MAGEC3: variants seen among roughly 807,000 people sequenced by gnomAD.
MAGEC3 encodes melanoma-associated antigen C3.
In MAGEC3, 34 loss-of-function variants were observed where a neutral mutation model predicts 35.3. The observed-to-expected ratio is 0.96, with a 90% CI of 0.73 to 1.28. The LOEUF (loss-of-function observed/expected upper bound fraction) is 1.28, where lower values mean the gene tolerates loss of function less well. Ranked by LOEUF, MAGEC3 falls within the 50% of genes most tolerant of loss-of-function variation. MAGEC3 has a pLI of 0.00. For synonymous variants in MAGEC3, 202 were observed against 185.6 expected, an observed-to-expected ratio of 1.09 and a Z score of -0.72; for missense variants, 561 against 483.6, an observed-to-expected ratio of 1.16 and a Z score of -1.50.
intron 2 of MAGEC3, among the ~76,000 whole-genome samples, chrX:141,866,436 AAGT>A (rs1351133984): frequency 1.8e-5 from 2 of 112,396 alleles, no homozygotes; most frequent in Non-Finnish European, 3.7e-5. Flanking sequence ...AATTGTCAAA[AAGT>A]AGAAAAACAA....
intron 1 of MAGEC3, among the ~76,000 whole-genome samples, chrX:141,857,781 AC>A (rs2017790614): frequency 1.8e-5 from 2 of 110,588 alleles, no homozygotes; most frequent in African/African-American, 3.3e-5. Context: ...TATTTTCCTC[AC>A]CTTGGTTTTT....
At chrX:141,854,338 A>G (rs2017768118) in intron 1 of MAGEC3, among the ~76,000 whole-genome samples, 1 of 111,203 alleles carries the variant, frequency 9.0e-6, no homozygotes, top group Admixed American at 9.5e-5. Flanking sequence ...CCTGTGAGGT[A>G]GTGATTTCAA....
At chrX:141,853,317 A>G (rs1643795407) in intron 1 of MAGEC3, among the ~76,000 whole-genome samples, 1 of 111,509 alleles carries the variant, frequency 9.0e-6, no homozygotes, top group African/African-American at 3.3e-5. Flanking sequence ...GATTAAAATT[A>G]TGTATTCCCT....
chrX:141,893,731 A>G (rs2018061921), intron 4 of MAGEC3, among the ~76,000 whole-genome samples: 1 of 103,147 alleles, frequency 9.7e-6, no homozygotes, highest in Admixed American at 1.1e-4. Context: ...GGGGGCGTAG[A>G]TATGTGAGAA....
In MAGEC3 at chrX:141,861,868, T is replaced by C. The variant is rs2017817354; in HGVS notation, c.124-3603T>C. On this transcript the variant is annotated intron_variant, in intron 1 of 7. Coordinates refer to ENST00000298296, the MANE Select transcript of MAGEC3 (RefSeq NM_138702.1). Reference sequence around the variant, plus strand: ...TAAGGAAAGCTCTTCAGAACATTGGTCCAGGCAAAGATTGTATGGCTAAGA... The same window carrying C: ...TAAGGAAAGCTCTTCAGAACATTGGCCCAGGCAAAGATTGTATGGCTAAGA... Among the ~76,000 whole-genome samples the C allele has an allele frequency of 3.6e-5, 4 of 111,877 alleles. No individual in the cohort carries two copies. The South Asian group carries it at 1.5e-3, about 42-fold the overall frequency.
intron 1 of MAGEC3, among the ~76,000 whole-genome samples, chrX:141,855,518 T>C (rs1208517233): frequency 9.4e-6 from 1 of 106,784 alleles, no homozygotes; most frequent in African/African-American, 3.3e-5. Context: ...ATATATGATA[T>C]AACATGTGTA....
intron 1 of MAGEC3, among the ~76,000 whole-genome samples, chrX:141,863,391 G>C (rs1036241831): frequency 9.0e-6 from 1 of 111,428 alleles, no homozygotes; most frequent in Admixed American, 9.6e-5. Context: ...GATACTGTAA[G>C]AGTGGATACA....
chrX:141,895,605 G>T lies in MAGEC3; in HGVS notation c.1123+46G>T, dbSNP rs558948779. 2.4e-4 allele frequency: 274 copies of T among 1,120,699 alleles called. 2 individuals are homozygous for T. In the South Asian group the frequency reaches 5.6e-3, roughly 23 times the overall value. The allele number at this position is 1,120,699 out of a possible 1,213,427, so 92.4% of individuals were successfully genotyped here. ...AAATAGGAAGACATTGAGGAGGACT[G>T]GGGGAACCCCCACCTCAGAGGACAG... On this transcript the variant is annotated intron_variant, in intron 6 of 7. Coordinates refer to ENST00000298296, the MANE Select transcript of MAGEC3 (RefSeq NM_138702.1).
chrX:141,844,533 A>T (rs932838582), intron 1 of MAGEC3, among the ~76,000 whole-genome samples: 1 of 110,965 alleles, frequency 9.0e-6, no homozygotes, highest in Non-Finnish European at 1.9e-5. Flanking sequence ...TTGAAGTTTA[A>T]TGTCTTCAAA....
At chrX:141,862,692 A>T (rs939011895) in intron 1 of MAGEC3, among the ~76,000 whole-genome samples, 3 of 112,477 alleles carry the variant, frequency 2.7e-5, no homozygotes, top group African/African-American at 9.7e-5. Flanking sequence ...AAAGACAAAT[A>T]TCACATGTTC....
chrX:141,865,040 T>C (rs1453981651), intron 1 of MAGEC3, among the ~76,000 whole-genome samples: 1 of 111,961 alleles, frequency 8.9e-6, no homozygotes, highest in African/African-American at 3.2e-5. Flanking sequence ...TTTAGAAAAG[T>C]GTCTATTGGT....
At chrX:141,840,854 G>A (rs780575430) in intron 1 of MAGEC3, among the ~76,000 whole-genome samples, 1 of 109,529 alleles carries the variant, frequency 9.1e-6, no homozygotes, top group African/African-American at 3.3e-5. Context: ...TGAATAAATT[G>A]TTCTATTCAA....
At position 141,889,305 on chromosome X, in the gene MAGEC3, G is replaced by T. The variant is rs769295062; in HGVS notation, c.910-5964G>T. 2.7e-5 allele frequency among the ~76,000 whole-genome samples: 3 copies of T among 111,631 alleles called. No individual in the cohort carries two copies. The South Asian group carries it at 1.1e-3, about 42-fold the overall frequency. Reference sequence around the variant, plus strand: ...TTTCTCCCATAGTCAGGATTCGTGAGTCCAGGAATCAAGGGGTGGAAACAC... The same window carrying T: ...TTTCTCCCATAGTCAGGATTCGTGATTCCAGGAATCAAGGGGTGGAAACAC... On this transcript the variant is annotated intron_variant, in intron 4 of 7. Transcript: ENST00000298296.
chrX:141,838,464 T>A (rs1326955607), intron 1 of MAGEC3, 26 bp downstream of exon 1: 2 of 1,192,232 alleles, frequency 1.7e-6, no homozygotes. Context: ...AATGCTCATG[T>A]CTAAGCCCCA....
chrX:141,841,218 A>G (rs1399100525), intron 1 of MAGEC3, among the ~76,000 whole-genome samples: 1 of 111,458 alleles, frequency 9.0e-6, no homozygotes, highest in Non-Finnish European at 1.9e-5. Context: ...GTACTTTGCA[A>G]GACCATCAAA....
intron 1 of MAGEC3, among the ~76,000 whole-genome samples, chrX:141,841,764 G>A (rs952182495): frequency 1.8e-5 from 2 of 111,417 alleles, no homozygotes; most frequent in Admixed American, 9.6e-5. Flanking sequence ...GCCCCTTCAC[G>A]GCTTTTGAAA....
intron 1 of MAGEC3, among the ~76,000 whole-genome samples, chrX:141,851,109 A>C (rs2017748469): frequency 9.0e-6 from 1 of 110,825 alleles, no homozygotes; most frequent in South Asian, 3.7e-4. Context: ...ACTAAAAAAC[A>C]GTTTGTTTTG....
intron 2 of MAGEC3, among the ~76,000 whole-genome samples, chrX:141,866,920 A>G (rs1024100799): frequency 8.9e-6 from 1 of 112,217 alleles, no homozygotes; most frequent in Non-Finnish European, 1.9e-5. Flanking sequence ...AGTGAAATAG[A>G]CATTCACAAA....
In MAGEC3 at chrX:141,856,356, T is replaced by C. The variant is rs770097116; in HGVS notation, c.124-9115T>C. ...TCTACCAGAGCTTTAAAAAGTTTCC[T>C]AACAGGGGAAAATTTGCCATATTTG... On this transcript the variant is annotated intron_variant, in intron 1 of 7. Coordinates refer to ENST00000298296, the MANE Select transcript of MAGEC3 (RefSeq NM_138702.1). Among the ~76,000 whole-genome samples the C allele has an allele frequency of 1.6e-3, 175 of 111,239 alleles. 1 individual carries two copies. The highest frequency in any genetic ancestry group is 5.2e-3 in the African/African-American group (160 of 30,656).
Sources: gnomAD v4.1 joint callset for allele counts (sites outside exome capture counted in the v4.1 genomes callset) on GRCh38, gnomAD v4.1.1 for gene constraint, MANE v1.5 for transcripts, NCBI Gene and HGNC (gene_info 2026-07-23, HGNC 2026-07-21) for gene names.